Variants in HEATR4 observed in about 807,000 individuals in gnomAD.
The protein encoded by HEATR4 is HEAT repeat-containing protein 4.
Under a neutral mutation model 108.8 loss-of-function variants are expected in HEATR4, and 95 were observed. The observed-to-expected ratio is 0.87, with a 90% confidence interval of 0.74 to 1.04. HEATR4 has a LOEUF of 1.04. HEATR4 is among the 50% of genes least tolerant of loss of function. The pLI is 0.00. For missense variants in HEATR4, 1,152 were observed against 1,253.8 expected (o/e 0.92, Z 1.23); for synonymous variants, 443 against 459.4 (o/e 0.96, Z 0.46).
chr14:73,492,706 C>A lies in HEATR4; in HGVS notation c.2844+360G>T. Reference sequence around the variant, plus strand: ...TAGCTCGGCTGGTGGGTGAGGGGGGCCATTTGTTTCTCTATTACACAGTGG... The same window carrying A: ...TAGCTCGGCTGGTGGGTGAGGGGGGACATTTGTTTCTCTATTACACAGTGG... On this transcript the variant is annotated intron_variant, in intron 17 of 17. Coordinates refer to ENST00000553558, the MANE Select transcript of HEATR4 (RefSeq NM_001220484.1). This position sits in a 1 kb window ranked among gnomAD's most constrained non-coding sequence, Gnocchi z 4.9. The A allele has an allele frequency of 6.2e-7, 1 of 1,613,798 alleles. No homozygotes were observed. The highest frequency in any genetic ancestry group is 1.1e-5 in the South Asian group (1 of 91,068).
At chr14:73,612,430 GC>G in the HEATR4 span, 1 of 510,792 alleles carries the variant, frequency 2.0e-6, no homozygotes, top group Non-Finnish European at 3.1e-6. Context: ...CCACGCAGCG[GC>G]CTGGAGCCTG....
chr14:73,534,343 C>T (rs1888796295), intron 1 of HEATR4, among the ~76,000 whole-genome samples: 1 of 109,182 alleles, frequency 9.2e-6, no homozygotes, highest in African/African-American at 3.0e-5. Flanking sequence ...CAGACCACTG[C>T]ACTCCAGCCT....
At chr14:73,486,519 G>A (rs950467229) in intron 17 of HEATR4, among the ~76,000 whole-genome samples, 2 of 151,860 alleles carry the variant, frequency 1.3e-5, no homozygotes, top group African/African-American at 2.4e-5. Context: ...CCAACATGGC[G>A]AAACCCCGTC....
intron 10 of HEATR4, among the ~76,000 whole-genome samples, chr14:73,505,432 T>G (rs1886747808): frequency 6.6e-6 from 1 of 152,088 alleles, no homozygotes; most frequent in African/African-American, 2.4e-5. Context: ...AGTCTCGCAC[T>G]GTCGCCCAGG....
the HEATR4 span, among the ~76,000 whole-genome samples, chr14:73,608,075 C>A: frequency 6.6e-6 from 1 of 152,008 alleles, no homozygotes; most frequent in Non-Finnish European, 1.5e-5. Flanking sequence ...CAGGCGCCTG[C>A]CACTGTGCCT....
At position 73,500,561 on chromosome 14, in the gene HEATR4, G is replaced by T. The variant is rs148646899; in HGVS notation, c.2275C>A (p.Arg759Ser). 3.5e-5 allele frequency: 56 copies of T among 1,612,700 alleles called. No homozygotes were observed. The highest frequency in any genetic ancestry group is 4.6e-5 in the Non-Finnish European group (54 of 1,179,510). ...ACLAAGALQI[R>S]DKMVLECLLN... ...TTTCCCTGACTCACCATCTTGTCGC[G>T]GATCTGCAGGGCACCAGCTGCCAAA... is the stretch of plus-strand genomic sequence containing the variant. The change falls in exon 12 of 18, where the codon CGC becomes AGC. Residue 759 changes from arginine (R) to serine (S), a missense_variant. Physicochemically the swap from Arg to Ser is moderately radical, Grantham distance 110. Transcript: ENST00000553558.
intron 13 of HEATR4, among the ~76,000 whole-genome samples, chr14:73,498,838 A>T (rs539622875): frequency 6.6e-6 from 1 of 152,196 alleles, no homozygotes; most frequent in Non-Finnish European, 1.5e-5. Context: ...GTTGGCAGGG[A>T]CTGTCTTGTC....
chr14:73,586,376 A>G, the HEATR4 span, among the ~76,000 whole-genome samples: 1 of 150,876 alleles, frequency 6.6e-6, no homozygotes, highest in Non-Finnish European at 1.5e-5. Flanking sequence ...CCTGGGCAAC[A>G]AGAGCAAAAC....
chr14:73,616,984 C>A, the HEATR4 span: 1 of 672,912 alleles, frequency 1.5e-6, no homozygotes, highest in South Asian at 1.8e-5. Context: ...TTGTGATGTT[C>A]TCCAGGCAGG....
chr14:73,509,171 T>C (rs1312949928), intron 8 of HEATR4, 141 bp downstream of exon 8: 1 of 843,224 alleles, frequency 1.2e-6, no homozygotes, highest in Non-Finnish European at 1.9e-6. Flanking sequence ...CTGGTCCTAA[T>C]TTTCAAATGG....
chr14:73,588,993 C>T, the HEATR4 span, among the ~76,000 whole-genome samples: 3 of 151,996 alleles, frequency 2.0e-5, no homozygotes, highest in African/African-American at 7.2e-5. Context: ...ACTCCCTGTG[C>T]CCCCCAAAAC....
rs1296071814 is a variant in HEATR4 at position 73,546,522 on chromosome 14, G to C, written c.-152+12229C>G. The stretch of plus-strand genomic sequence containing the variant: ...GGGACTGCAGACACATGTCACCATG[G>C]ACAGCTAATTTTTGTATTTTTGCAG... On this transcript the variant is annotated intron_variant, in intron 1 of 17. Coordinates refer to ENST00000553558, the MANE Select transcript of HEATR4 (RefSeq NM_001220484.1). 4.5e-5 allele frequency among the ~76,000 whole-genome samples: 5 copies of C among 112,226 alleles called. 1 individual carries two copies. Among genetic ancestry groups the C allele is most frequent in the Non-Finnish European group, 9.7e-5 (5 of 51,736 alleles). The allele number at this position is 112,226 out of a possible 152,430, so 73.6% of individuals were successfully genotyped here. A position where few individuals can be genotyped will look rare whatever the true frequency, so the allele number is the denominator to read the frequency against.
At chr14:73,590,112 T>C in the HEATR4 span, among the ~76,000 whole-genome samples, 5 of 152,188 alleles carry the variant, frequency 3.3e-5, no homozygotes, top group Non-Finnish European at 2.9e-5. Context: ...AAGTTGCCAC[T>C]GCTAGCTCTG....
chr14:73,585,245 A>G, the HEATR4 span, among the ~76,000 whole-genome samples: 2 of 152,140 alleles, frequency 1.3e-5, no homozygotes, highest in Admixed American at 1.3e-4. Context: ...GCCCAGCAGG[A>G]CAGGCCTAGG....
chr14:73,581,349 A>G, the HEATR4 span: 6 of 151,990 alleles, frequency 3.9e-5, no homozygotes, highest in African/African-American at 1.5e-4. Flanking sequence ...TAGTGGAAAG[A>G]GCAAGGCAGC....
At chr14:73,613,192 C>A in the HEATR4 span, among the ~76,000 whole-genome samples, 1 of 152,140 alleles carries the variant, frequency 6.6e-6, no homozygotes, top group Non-Finnish European at 1.5e-5. Context: ...GGCTGGAGTG[C>A]CGTGGCTGGA....
chr14:73,518,528 C>G, intron 5 of HEATR4, among the ~76,000 whole-genome samples: 1 of 152,092 alleles, frequency 6.6e-6, no homozygotes, highest in African/African-American at 2.4e-5. Context: ...GGAAGATGTG[C>G]ACATTTTGTT....
At chr14:73,518,042 C>T (rs548536058) in intron 5 of HEATR4, among the ~76,000 whole-genome samples, 21 of 152,230 alleles carry the variant, frequency 1.4e-4, no homozygotes, top group South Asian at 1.2e-3. Flanking sequence ...GCCGAGATCA[C>T]GCCACCGCAC....
At chr14:73,626,645 T>C in the HEATR4 span, among the ~76,000 whole-genome samples, 1 of 150,276 alleles carries the variant, frequency 6.7e-6, no homozygotes, top group East Asian at 1.9e-4. Flanking sequence ...CTGGGCAACA[T>C]AGTGAGACCC....
Sources: allele counts gnomAD v4.1 joint callset (sites outside exome capture counted in the v4.1 genomes callset), GRCh38; gene constraint gnomAD v4.1.1; non-coding constraint Gnocchi (gnomAD v3.1); transcripts MANE v1.5; gene names NCBI Gene and HGNC (gene_info 2026-07-23, HGNC 2026-07-21).